PTPN21: variants seen among roughly 807,000 people sequenced by gnomAD.
The protein encoded by PTPN21 is tyrosine-protein phosphatase non-receptor type 21.
Under a neutral mutation model 131.8 loss-of-function variants are expected in PTPN21, and 77 were observed. That is an observed-to-expected ratio of 0.58 (90% CI 0.49 to 0.71). PTPN21 has a LOEUF of 0.71. Ranked by LOEUF, PTPN21 falls within the 30% of genes least tolerant of loss-of-function variation. The probability of loss-of-function intolerance (pLI) is 0.00; values close to 1 mark genes in which losing one functional copy is unlikely to be tolerated. For missense variants in PTPN21, 1,552 were observed against 1,527.1 expected (o/e 1.02, Z -0.27); for synonymous variants, 715 against 621.3 (o/e 1.15, Z -2.24).
At position 88,546,887 on chromosome 14, in the gene PTPN21, G is replaced by A. The variant is rs75666291; in HGVS notation, c.180+3351C>T. On this transcript the variant is annotated intron_variant, in intron 2 of 18. Coordinates refer to ENST00000556564, the MANE Select transcript of PTPN21 (RefSeq NM_007039.4). ...CCATCTGTTTATATGCTACAGAGCA[G>A]AGCTTCTGGGGCTTTCAAAGAAAAA... Among the ~76,000 whole-genome samples, 326 of 152,318 alleles carry A rather than the reference G, an allele frequency of 2.1e-3. 4 individuals carry two copies. The highest frequency in any genetic ancestry group is 7.5e-3 in the African/African-American group (311 of 41,556).
chr14:88,517,653 T>TATATATACAGGTGTATATACACAC (rs1555388047), intron 2 of PTPN21, among the ~76,000 whole-genome samples: 1 of 4,520 alleles, frequency 2.2e-4, no homozygotes, highest in African/African-American at 3.9e-4. Flanking sequence ...CATATATATG[T>TATATATACAGGTGTATATACACAC]ATATATACAC....
intron 13 of PTPN21, among the ~76,000 whole-genome samples, chr14:88,477,446 T>TCA (rs369022409): frequency 0.014 from 1,092 of 76,328 alleles, 36 homozygotes; most frequent in Middle Eastern, 0.033. Context: ...AAGACTGTTC[T>TCA]AAAAAAAAAA....
chr14:88,478,207 T>G (rs747228743), intron 13 of PTPN21, among the ~76,000 whole-genome samples: 26 of 152,224 alleles, frequency 1.7e-4, no homozygotes, highest in Non-Finnish European at 2.8e-4. Flanking sequence ...CTATGCTTTT[T>G]TATATTTTGC....
At chr14:88,486,899 C>T (rs1181076232) in intron 10 of PTPN21, among the ~76,000 whole-genome samples, 2 of 150,882 alleles carry the variant, frequency 1.3e-5, no homozygotes, top group African/African-American at 4.9e-5. Flanking sequence ...TCACTTGAAC[C>T]CAGGAGGCAG....
intron 13 of PTPN21, among the ~76,000 whole-genome samples, chr14:88,474,106 C>A (rs1187988046): frequency 2.5e-5 from 1 of 39,800 alleles, no homozygotes; most frequent in Non-Finnish European, 5.2e-5. Flanking sequence ...TAAAACAAGA[C>A]AGACGTAACA....
At chr14:88,501,135 T>C (rs1404826338) in intron 7 of PTPN21, 146 bp downstream of exon 7, 1 of 764,136 alleles carries the variant, frequency 1.3e-6, no homozygotes, top group Non-Finnish European at 2.2e-6. Flanking sequence ...CCACAAAACT[T>C]TGGTCACCAG....
intron 1 of PTPN21, chr14:88,552,578 A>G (rs554471966): frequency 1.3e-5 from 2 of 152,330 alleles, no homozygotes; most frequent in African/African-American, 4.8e-5. Flanking sequence ...CAAAATATTA[A>G]AAACAAGGGA....
chr14:88,538,485 T>C (rs1399022907), intron 2 of PTPN21, among the ~76,000 whole-genome samples: 1 of 152,244 alleles, frequency 6.6e-6, no homozygotes, highest in Non-Finnish European at 1.5e-5. Flanking sequence ...CAACAGTGTC[T>C]TGCGGGCCTA....
intron 12 of PTPN21, among the ~76,000 whole-genome samples, chr14:88,480,735 G>A (rs536630798): frequency 6.6e-6 from 1 of 152,302 alleles, no homozygotes; most frequent in South Asian, 2.1e-4. Context: ...TGCTGCTGCT[G>A]AGCTAGTTCA....
Position 88,525,369 on chromosome 14 carries a change from T to C in PTPN21, c.181-8108A>G, listed in dbSNP as rs530818097. Among the ~76,000 whole-genome samples, 142 of 152,186 alleles carry C rather than the reference T, an allele frequency of 9.3e-4. 1 individual carries two copies. In the Middle Eastern group the frequency reaches 0.014, roughly 15 times the overall value. ...TGAAACGTATAAAATGACTCTTACA[T>C]ACAGAAAGAAACAACCCAATATTAA... On this transcript the variant is annotated intron_variant, in intron 2 of 18. Coordinates refer to ENST00000556564, the MANE Select transcript of PTPN21 (RefSeq NM_007039.4).
rs1454797660 is a variant in PTPN21 at position 88,554,658 on chromosome 14, C to G, written c.-210G>C. The G allele has an allele frequency of 6.7e-6, 1 of 149,412 alleles. No individual in the cohort carries two copies. The highest frequency in any genetic ancestry group is 2.4e-5 in the African/African-American group (1 of 41,020). The allele number at this position is 149,412 out of a possible 1,614,324, so 9.3% of individuals were successfully genotyped here. On this transcript the variant is annotated 5_prime_UTR_variant, in exon 1 of 19. Transcript: ENST00000556564. ...CGGGGACCGCGCCCTCACCTGCTCC[C>G]GCTCCCGCTCCCGCATCCTCGGGGC...
chr14:88,471,246 C>T (rs1043600051), intron 15 of PTPN21, among the ~76,000 whole-genome samples: 2 of 152,138 alleles, frequency 1.3e-5, no homozygotes, highest in African/African-American at 4.8e-5. Context: ...AAGAAAAAAA[C>T]CACCACCTGT....
intron 11 of PTPN21, 22 bp from the exon 12 acceptor site, chr14:88,485,182 A>G (rs756107314): frequency 6.7e-7 from 1 of 1,500,630 alleles, no homozygotes; most frequent in South Asian, 1.2e-5. Flanking sequence ...AGAGTTTGAC[A>G]CAGGGTTGAA....
chr14:88,485,678 C>T (rs1012084492), intron 11 of PTPN21, 104 bp downstream of exon 11: 2 of 791,198 alleles, frequency 2.5e-6, no homozygotes, highest in Admixed American at 2.3e-5. Flanking sequence ...AATATCAATA[C>T]ACTTTTATGG....
intron 2 of PTPN21, among the ~76,000 whole-genome samples, chr14:88,521,602 G>A (rs1410396999): frequency 2.2e-5 from 3 of 137,650 alleles, no homozygotes; most frequent in African/African-American, 5.3e-5. Context: ...TAGTAGAAAC[G>A]GGGTTTCACC....
chr14:88,489,563 T>A lies in PTPN21; in HGVS notation c.933-3721A>T, dbSNP rs181862235. ...GAAGCTGAGGGCTGAGGCCAGTGGA[T>A]CCCTTAAGCCCGGGAGTCTGAGGTT... On this transcript the variant is annotated intron_variant, in intron 10 of 18. Transcript: ENST00000556564. Among the ~76,000 whole-genome samples the A allele has an allele frequency of 2.8e-3, 419 of 152,092 alleles. 1 individual carries two copies. Among genetic ancestry groups the A allele is most frequent in the Non-Finnish European group, 4.1e-3 (276 of 68,002 alleles).
At chr14:88,543,192 G>A (rs753919100) in intron 2 of PTPN21, among the ~76,000 whole-genome samples, 28 of 152,140 alleles carry the variant, frequency 1.8e-4, no homozygotes, top group Non-Finnish European at 2.6e-4. Flanking sequence ...TATGGTTTGC[G>A]TTATATGCTT....
intron 3 of PTPN21, among the ~76,000 whole-genome samples, chr14:88,509,821 A>T (rs762824006): frequency 6.6e-6 from 1 of 152,200 alleles, no homozygotes; most frequent in Admixed American, 6.5e-5. Flanking sequence ...GGATCACTTG[A>T]GGTCAGGAGT....
chr14:88,511,850 C>A (rs533255946), intron 3 of PTPN21, among the ~76,000 whole-genome samples: 21 of 152,194 alleles, frequency 1.4e-4, no homozygotes, highest in Non-Finnish European at 2.4e-4. Context: ...AGTTACTGAT[C>A]AACTTTCCAA....
Sources: allele counts gnomAD v4.1 joint callset (sites outside exome capture counted in the v4.1 genomes callset), GRCh38; gene constraint gnomAD v4.1.1; transcripts MANE v1.5; gene names NCBI Gene and HGNC (gene_info 2026-07-23, HGNC 2026-07-21).